The following HDAC9 variants were observed in gnomAD, a reference collection of about 807,000 sequenced individuals.
HDAC9 encodes histone deacetylase 9.
In HDAC9, 41 loss-of-function variants were observed where a neutral mutation model predicts 139.4. The ratio of observed to expected loss-of-function variants is 0.29; its 90% CI spans 0.23 to 0.38. HDAC9 has a LOEUF of 0.38. Ranked by LOEUF, HDAC9 falls within the 10% of genes least tolerant of loss-of-function variation. HDAC9 has a pLI of 1.00. For synonymous variants in HDAC9, 517 were observed against 476.2 expected, an observed-to-expected ratio of 1.09 and a Z score of -1.12; for missense variants, 1,147 against 1,297.0, an observed-to-expected ratio of 0.88 and a Z score of 1.78.
intron 1 of HDAC9, among the ~76,000 whole-genome samples, chr7:18,415,470 A>T (rs1788965983): frequency 6.6e-6 from 1 of 152,212 alleles, no homozygotes; most frequent in South Asian, 2.1e-4. Flanking sequence ...GCATTTAGCT[A>T]CCCATAGTTG....
At chr7:18,683,468 TC>T (rs1562848889) in intron 12 of HDAC9, among the ~76,000 whole-genome samples, 1 of 152,056 alleles carries the variant, frequency 6.6e-6, no homozygotes, top group African/African-American at 2.4e-5. Flanking sequence ...AACCCACAGT[TC>T]AGCAAAGGGT....
chr7:18,179,834 G>T (rs997557534), intron 2 of HDAC9, among the ~76,000 whole-genome samples: 1 of 152,142 alleles, frequency 6.6e-6, no homozygotes, highest in Non-Finnish European at 1.5e-5. Flanking sequence ...TATCATAAAA[G>T]ATGTAATTGT....
intron 22 of HDAC9, among the ~76,000 whole-genome samples, chr7:18,932,427 A>C (rs539542892): frequency 6.6e-6 from 1 of 152,288 alleles, no homozygotes; most frequent in African/African-American, 2.4e-5. Context: ...TTAAATATTA[A>C]AATCATCCTT....
At chr7:18,705,720 G>A (rs1009236696) in intron 12 of HDAC9, among the ~76,000 whole-genome samples, 1 of 151,658 alleles carries the variant, frequency 6.6e-6, no homozygotes, top group Non-Finnish European at 1.5e-5. Flanking sequence ...GGGTGCAGTG[G>A]CGCGTACCTG....
chr7:18,929,321 T>C (rs1416424125), intron 22 of HDAC9, among the ~76,000 whole-genome samples: 2 of 152,194 alleles, frequency 1.3e-5, no homozygotes, highest in Non-Finnish European at 2.9e-5. Flanking sequence ...ATTCTATTTT[T>C]ATAATCAAAA....
chr7:18,281,382 T>G (rs1797096550), intron 2 of HDAC9, among the ~76,000 whole-genome samples: 3 of 152,318 alleles, frequency 2.0e-5, no homozygotes, highest in African/African-American at 7.2e-5. Context: ...TTACTCTGCT[T>G]AAGTACTTAA....
intron 1 of HDAC9, among the ~76,000 whole-genome samples, chr7:18,484,756 C>T (rs970705254): frequency 3.3e-5 from 5 of 151,510 alleles, no homozygotes; most frequent in East Asian, 1.9e-4. Flanking sequence ...TCTGAAATCA[C>T]GTGAGAAGAT....
intron 17 of HDAC9, 122 bp from the exon 18 acceptor site, chr7:18,829,039 C>A (rs940644741): frequency 5.4e-6 from 4 of 739,280 alleles, no homozygotes; most frequent in Non-Finnish European, 1.0e-5. Flanking sequence ...ATCTCGGAAG[C>A]GTATGAGACT....
chr7:18,146,198 CTT>C (rs1786310248), intron 1 of HDAC9, among the ~76,000 whole-genome samples: 1 of 152,178 alleles, frequency 6.6e-6, no homozygotes, highest in South Asian at 2.1e-4. Flanking sequence ...TTGATTATAA[CTT>C]AATGTCTGGC....
intron 2 of HDAC9, among the ~76,000 whole-genome samples, chr7:18,215,537 A>G (rs991931881): frequency 6.6e-6 from 1 of 152,164 alleles, no homozygotes; most frequent in Non-Finnish European, 1.5e-5. Context: ...TGGTAGCTTA[A>G]TAGTTTGCTT....
chr7:18,539,468 G>C (rs911087322), intron 2 of HDAC9, among the ~76,000 whole-genome samples: 1 of 152,152 alleles, frequency 6.6e-6, no homozygotes, highest in East Asian at 1.9e-4. Context: ...CAGCAAAAAG[G>C]ATACTAGTAA....
chr7:18,577,332 C>G (rs1583591979), intron 2 of HDAC9, among the ~76,000 whole-genome samples: 1 of 152,116 alleles, frequency 6.6e-6, no homozygotes, highest in East Asian at 1.9e-4. Flanking sequence ...TTTTCTTTTC[C>G]TGTTCCTGTG....
At chr7:18,196,607 A>G (rs145171784) in intron 2 of HDAC9, among the ~76,000 whole-genome samples, 115 of 152,322 alleles carry the variant, frequency 7.5e-4, no homozygotes, top group African/African-American at 2.7e-3. Flanking sequence ...TATGTAAAGC[A>G]ATATATAATA....
intron 8 of HDAC9, among the ~76,000 whole-genome samples, chr7:18,643,099 T>G (rs2129015567): frequency 6.6e-6 from 1 of 152,258 alleles, no homozygotes; most frequent in Non-Finnish European, 1.5e-5. Context: ...TTTTACTTCC[T>G]TATATGTTCC....
At chr7:18,515,290 T>C (rs1802815805) in intron 2 of HDAC9, among the ~76,000 whole-genome samples, 1 of 152,226 alleles carries the variant, frequency 6.6e-6, no homozygotes, top group Non-Finnish European at 1.5e-5. Flanking sequence ...GTGTATCTCA[T>C]TGCTGAATAT....
intron 1 of HDAC9, among the ~76,000 whole-genome samples, chr7:18,489,062 A>G (rs1366754194): frequency 6.6e-6 from 1 of 152,058 alleles, no homozygotes; most frequent in African/African-American, 2.4e-5. Flanking sequence ...TAGAGGTTGA[A>G]TAGTATGTTA....
At chr7:18,806,460 C>G (rs1051231171) in intron 17 of HDAC9, among the ~76,000 whole-genome samples, 2 of 152,148 alleles carry the variant, frequency 1.3e-5, no homozygotes, top group African/African-American at 4.8e-5. Flanking sequence ...AGTACTCTCC[C>G]CATTCTTTGT....
intron 1 of HDAC9, among the ~76,000 whole-genome samples, chr7:18,306,366 G>T (rs370028346): frequency 2.0e-5 from 3 of 152,174 alleles, no homozygotes; most frequent in Non-Finnish European, 4.4e-5. Context: ...TACTGCAGTC[G>T]CAAAAGCAAG....
intron 22 of HDAC9, among the ~76,000 whole-genome samples, chr7:18,893,050 A>AAAAG (rs1554395097): frequency 1.5e-4 from 23 of 149,016 alleles, no homozygotes; most frequent in East Asian, 1.9e-4. Context: ...AAAAAAAAAA[A>AAAAG]AAAAGAAAAG....
Sources: allele counts gnomAD v4.1 joint callset (sites outside exome capture counted in the v4.1 genomes callset), GRCh38; gene constraint gnomAD v4.1.1; transcripts MANE v1.5; gene names NCBI Gene and HGNC (gene_info 2026-07-23, HGNC 2026-07-21).